Variants in HEPACAM2 observed in about 807,000 individuals in gnomAD.
The protein encoded by HEPACAM2 is mitotic kinetics regulator.
Under a neutral mutation model 49.6 loss-of-function variants are expected in HEPACAM2, and 49 were observed. That is an observed-to-expected ratio of 0.99 (90% CI 0.78 to 1.25). The LOEUF (loss-of-function observed/expected upper bound fraction) is 1.25. HEPACAM2 is among the 50% of genes most tolerant of loss of function. HEPACAM2 has a pLI of 0.00. For missense variants in HEPACAM2, 525 were observed against 557.2 expected, an observed-to-expected ratio of 0.94 and a Z score of 0.58; for synonymous variants, 197 against 202.9, an observed-to-expected ratio of 0.97 and a Z score of 0.25.
rs374181797 is a variant in HEPACAM2 at position 93,215,587 on chromosome 7, G to A, written c.529C>T (p.Arg177Trp). ...TLTCHVEGGTRLAYQWLKNGR... is the reference protein window; with the variant it reads ...TLTCHVEGGTWLAYQWLKNGR... Reference sequence around the variant, plus strand: ...TTTTTTAGCCATTGGTAAGCTAGCCGAGTGCCCCCTTCCACATGGCATGTC... The same window carrying A: ...TTTTTTAGCCATTGGTAAGCTAGCCAAGTGCCCCCTTCCACATGGCATGTC... The change falls in exon 3 of 10, where the codon CGG becomes TGG. Residue 177 changes from arginine (R) to tryptophan (W), a missense_variant. By Grantham distance (101) the Arg-to-Trp change is moderately radical. Coordinates refer to ENST00000394468, the MANE Select transcript of HEPACAM2 (RefSeq NM_001039372.4). The A allele has an allele frequency of 1.2e-5, 20 of 1,613,580 alleles. No homozygotes were observed. Among genetic ancestry groups the A allele is most frequent in the South Asian group, 1.1e-4 (10 of 91,088 alleles).
At chr7:93,197,450 A>T in intron 5 of HEPACAM2, 35 bp downstream of exon 5, 3 of 1,585,830 alleles carry the variant, frequency 1.9e-6, no homozygotes. Context: ...ACACATATAT[A>T]CAGCTTCAAT....
At chr7:93,209,855 A>C (rs905753484) in intron 3 of HEPACAM2, among the ~76,000 whole-genome samples, 1 of 151,982 alleles carries the variant, frequency 6.6e-6, no homozygotes, top group African/African-American at 2.4e-5. Context: ...GCAAATAGAC[A>C]TAGGGGTGTT....
At chr7:93,227,216 G>T (rs10277307), upstream of HEPACAM2, among the ~76,000 whole-genome samples, 277 of 152,310 alleles carry the variant, frequency 1.8e-3, no homozygotes, top group African/African-American at 6.5e-3. Flanking sequence ...CTCTACTGCA[G>T]TGTCCAGGTT....
Position 93,197,368 on chromosome 7 carries a change from A to C in HEPACAM2, c.1163+5T>G. 1 of 1,600,036 alleles carries C rather than the reference A, an allele frequency of 6.2e-7. No individual in the cohort carries two copies. The highest frequency in any genetic ancestry group is 8.5e-7 in the Non-Finnish European group (1 of 1,173,892). ...CAACTATTTTCATAGAAACAGATGCATTACCTGCCTTCTAGTTTCTGTTTT... is the reference window on the plus strand; with the variant it reads ...CAACTATTTTCATAGAAACAGATGCCTTACCTGCCTTCTAGTTTCTGTTTT... On this transcript the variant is annotated splice_donor_5th_base_variant and intron_variant, in intron 6 of 9. Coordinates refer to ENST00000394468, the MANE Select transcript of HEPACAM2 (RefSeq NM_001039372.4).
At chr7:93,215,300 G>T in intron 3 of HEPACAM2, 101 bp downstream of exon 3, 2 of 1,117,730 alleles carry the variant, frequency 1.8e-6, no homozygotes, top group Non-Finnish European at 2.6e-6. Context: ...ATGGTAAAAA[G>T]CCAAATGACA....
intron 9 of HEPACAM2, among the ~76,000 whole-genome samples, chr7:93,190,099 G>A (rs140397274): frequency 7.9e-5 from 12 of 151,868 alleles, no homozygotes; most frequent in African/African-American, 1.5e-4. Flanking sequence ...CTTATTTAAC[G>A]TCTTGCTCTA....
intron 1 of HEPACAM2, among the ~76,000 whole-genome samples, chr7:93,220,289 G>A (rs1794422191): frequency 6.6e-6 from 1 of 152,180 alleles, no homozygotes; most frequent in Non-Finnish European, 1.5e-5. Flanking sequence ...GCAGGAACAG[G>A]GAGAACACTT....
intron 4 of HEPACAM2, among the ~76,000 whole-genome samples, chr7:93,201,887 A>C (rs558995900): frequency 6.6e-6 from 1 of 152,138 alleles, no homozygotes; most frequent in East Asian, 1.9e-4. Flanking sequence ...CTAGAGGTGC[A>C]CTTTTGGAAG....
intron 4 of HEPACAM2, among the ~76,000 whole-genome samples, chr7:93,204,690 C>A (rs1292005749): frequency 6.6e-6 from 1 of 152,164 alleles, no homozygotes; most frequent in Middle Eastern, 3.4e-3. Flanking sequence ...ACGTACATAG[C>A]ATTAAATTGG....
At chr7:93,226,515 G>A (rs1245473789), upstream of HEPACAM2, 2 of 1,180,554 alleles carry the variant, frequency 1.7e-6, no homozygotes, top group East Asian at 2.3e-5. Flanking sequence ...AGGGAAATTA[G>A]CAGTGAGGTA....
At position 93,211,480 on chromosome 7, in the gene HEPACAM2, T is replaced by G. The variant is rs143046132; in HGVS notation, c.716-2604A>C. Among the ~76,000 whole-genome samples the G allele has an allele frequency of 8.4e-3, 1,278 of 152,168 alleles. 11 individuals are homozygous for G. The highest frequency in any genetic ancestry group is 0.02 in the Middle Eastern group (6 of 294). ...TCAAATGGAACTCTTTTGTTCTGAA[T>G]TCCACTAAACAGTAAGTAGTGTAAT... On this transcript the variant is annotated intron_variant, in intron 3 of 9. Transcript: ENST00000394468.
At chr7:93,200,047 T>A (rs1285239260) in intron 4 of HEPACAM2, among the ~76,000 whole-genome samples, 2 of 152,072 alleles carry the variant, frequency 1.3e-5, no homozygotes, top group African/African-American at 4.8e-5. Flanking sequence ...TGATTTTTTT[T>A]AATGACTATA....
At chr7:93,190,907 C>T (rs1304346065) in intron 9 of HEPACAM2, among the ~76,000 whole-genome samples, 1 of 151,578 alleles carries the variant, frequency 6.6e-6, no homozygotes, top group African/African-American at 2.4e-5. Context: ...AAGATAAACC[C>T]CAAGTTGTCA....
intron 3 of HEPACAM2, among the ~76,000 whole-genome samples, chr7:93,209,489 C>T (rs1001391937): frequency 9.2e-5 from 14 of 151,794 alleles, no homozygotes; most frequent in Admixed American, 2.0e-4. Context: ...CATAAATTGC[C>T]GTTAATTATA....
intron 4 of HEPACAM2, among the ~76,000 whole-genome samples, chr7:93,200,039 AT>A (rs557875706): frequency 4.0e-5 from 6 of 150,940 alleles, no homozygotes; most frequent in Non-Finnish European, 5.9e-5. Flanking sequence ...AAGTTTGTTG[AT>A]TTTTTTTAAT....
intron 8 of HEPACAM2, among the ~76,000 whole-genome samples, chr7:93,195,090 C>T (rs1050419655): frequency 1.3e-5 from 2 of 151,818 alleles, no homozygotes; most frequent in African/African-American, 2.4e-5. Context: ...GATCAATTGT[C>T]TTTGCAATGT....
intron 4 of HEPACAM2, among the ~76,000 whole-genome samples, chr7:93,197,884 G>A (rs1014727485): frequency 8.6e-5 from 13 of 151,954 alleles, no homozygotes; most frequent in East Asian, 1.9e-4. Context: ...ATCTCATGTC[G>A]TACTTCTCAG....
chr7:93,227,151 A>G (rs1198406261), upstream of HEPACAM2, among the ~76,000 whole-genome samples: 5 of 152,282 alleles, frequency 3.3e-5, no homozygotes, highest in East Asian at 7.7e-4. Flanking sequence ...CTGAGGCCAC[A>G]TTTTCACAGC....
chr7:93,204,958 G>T (rs1210834608), intron 4 of HEPACAM2, among the ~76,000 whole-genome samples: 2 of 152,034 alleles, frequency 1.3e-5, no homozygotes, highest in Non-Finnish European at 2.9e-5. Flanking sequence ...AAATTAGCCA[G>T]GCATGGTGGC....
Sources: allele counts gnomAD v4.1 joint callset (sites outside exome capture counted in the v4.1 genomes callset), GRCh38; gene constraint gnomAD v4.1.1; transcripts MANE v1.5; gene names NCBI Gene and HGNC (gene_info 2026-07-23, HGNC 2026-07-21).